CRYBG1: variants seen among roughly 807,000 people sequenced by gnomAD.
The protein encoded by CRYBG1 is crystallin beta-gamma domain containing 1.
CRYBG1 carries 139 observed loss-of-function variants against 189.2 expected under a neutral mutation model. That is an observed-to-expected ratio of 0.73 (90% CI 0.64 to 0.85). CRYBG1 has a LOEUF of 0.85. Ranked by LOEUF, CRYBG1 falls within the 40% of genes least tolerant of loss-of-function variation. The probability of loss-of-function intolerance (pLI) is 0.00; values close to 1 mark genes in which losing one functional copy is unlikely to be tolerated. For missense variants in CRYBG1, 2,611 were observed against 2,675.8 expected (o/e 0.98, Z 0.53); for synonymous variants, 1,023 against 1,017.1 (o/e 1.01, Z -0.11).
At chr6:106,508,471 C>T (rs933208462) in intron 2 of CRYBG1, among the ~76,000 whole-genome samples, 3 of 152,164 alleles carry the variant, frequency 2.0e-5, no homozygotes, top group Non-Finnish European at 4.4e-5. Context: ...TTCCCTGTTG[C>T]ACCACCACCA....
chr6:106,381,946 A>G (rs1234594863), intron 1 of CRYBG1, among the ~76,000 whole-genome samples: 1 of 152,316 alleles, frequency 6.6e-6, no homozygotes, highest in African/African-American at 2.4e-5. Flanking sequence ...AAACTGCTAG[A>G]CTATGGTGCA....
At chr6:106,539,283 A>C in intron 8 of CRYBG1, 120 bp from the exon 9 acceptor site, 1 of 1,163,830 alleles carries the variant, frequency 8.6e-7, no homozygotes, top group Non-Finnish European at 1.2e-6. Context: ...CCAACCATTC[A>C]TTATGTAGGT....
At chr6:106,430,606 C>T (rs970266315) in intron 1 of CRYBG1, among the ~76,000 whole-genome samples, 1 of 152,050 alleles carries the variant, frequency 6.6e-6, no homozygotes, top group Non-Finnish European at 1.5e-5. Context: ...ATGCCTGATG[C>T]GTCAGCTAGG....
intron 2 of CRYBG1, among the ~76,000 whole-genome samples, chr6:106,509,945 A>G (rs982186722): frequency 6.6e-6 from 1 of 152,026 alleles, no homozygotes; most frequent in Non-Finnish European, 1.5e-5. Flanking sequence ...CTGTCTCAAC[A>G]AATGCTTGTT....
At chr6:106,448,098 A>G (rs994585342) in intron 1 of CRYBG1, among the ~76,000 whole-genome samples, 1 of 152,184 alleles carries the variant, frequency 6.6e-6, no homozygotes, top group African/African-American at 2.4e-5. Context: ...GGGCTGGGCA[A>G]GAAGCTGCCC....
intron 1 of CRYBG1, among the ~76,000 whole-genome samples, chr6:106,427,100 C>A (rs902472062): frequency 1.3e-5 from 2 of 152,028 alleles, no homozygotes; most frequent in African/African-American, 4.8e-5. Flanking sequence ...GTGGAAGGGC[C>A]TCAGGGCTCA....
intron 16 of CRYBG1, 52 bp downstream of exon 16, chr6:106,553,619 T>C: frequency 8.1e-7 from 1 of 1,230,068 alleles, no homozygotes; most frequent in East Asian, 2.3e-5. Flanking sequence ...AAAACAGAAT[T>C]CACACATCAG....
At chr6:106,487,302 AAGAATTT>A (rs1772612663) in intron 2 of CRYBG1, among the ~76,000 whole-genome samples, 2 of 152,130 alleles carry the variant, frequency 1.3e-5, no homozygotes, top group African/African-American at 4.8e-5. Flanking sequence ...CTTTAAATTG[AAGAATTT>A]ACATGGTACC....
At chr6:106,378,086 G>T (rs1770206637) in intron 1 of CRYBG1, among the ~76,000 whole-genome samples, 1 of 152,072 alleles carries the variant, frequency 6.6e-6, no homozygotes, top group African/African-American at 2.4e-5. Flanking sequence ...GTGAGGAGTG[G>T]GAGGCCTAAG....
intron 2 of CRYBG1, among the ~76,000 whole-genome samples, chr6:106,498,801 G>A (rs146129949): frequency 2.6e-5 from 4 of 152,132 alleles, no homozygotes; most frequent in African/African-American, 9.6e-5. Context: ...TTGAACTCAG[G>A]AGGCAGAGGT....
intron 1 of CRYBG1, among the ~76,000 whole-genome samples, chr6:106,370,842 T>C (rs929580961): frequency 3.3e-5 from 5 of 152,180 alleles, no homozygotes; most frequent in Non-Finnish European, 7.4e-5. Context: ...CTGATGACTA[T>C]TCCCCTGGAA....
intron 11 of CRYBG1, 134 bp downstream of exon 11, chr6:106,543,731 C>T: frequency 4.9e-6 from 5 of 1,026,682 alleles, no homozygotes; most frequent in Middle Eastern, 2.3e-4. Context: ...TCCACATTCT[C>T]CTCAGCCTAT....
At chr6:106,471,671 A>C (rs969498251) in intron 2 of CRYBG1, among the ~76,000 whole-genome samples, 3 of 152,084 alleles carry the variant, frequency 2.0e-5, no homozygotes, top group African/African-American at 7.2e-5. Context: ...TGACAGGTGG[A>C]GTGTGGGTCA....
intron 13 of CRYBG1, among the ~76,000 whole-genome samples, chr6:106,546,381 A>T (rs894257837): frequency 6.6e-6 from 1 of 152,224 alleles, no homozygotes; most frequent in African/African-American, 2.4e-5. Flanking sequence ...GTTTGGTGTT[A>T]GGTTTTTGTT....
chr6:106,454,811 A>G (rs994518847), intron 2 of CRYBG1: 1 of 152,278 alleles, frequency 6.6e-6, no homozygotes, highest in African/African-American at 2.4e-5. Context: ...TGAATCTTTC[A>G]ATTAAATTAG....
intron 2 of CRYBG1, among the ~76,000 whole-genome samples, chr6:106,453,975 C>T (rs1192114127): frequency 6.6e-6 from 1 of 152,120 alleles, no homozygotes. Flanking sequence ...GTTCAGGCGA[C>T]CCTGTCTCTA....
At chr6:106,541,417 G>A (rs1562111506) in intron 9 of CRYBG1, 169 bp from the exon 10 acceptor site, 4 of 707,762 alleles carry the variant, frequency 5.7e-6, no homozygotes, top group South Asian at 1.6e-5. Context: ...TGCCTTCCTC[G>A]TGTCTTCATC....
chr6:106,372,815 G>A (rs76362682), intron 1 of CRYBG1, among the ~76,000 whole-genome samples: 8,491 of 152,236 alleles, frequency 0.056, 393 homozygotes, highest in East Asian at 0.16. Flanking sequence ...ATCTCATTCA[G>A]TCTTCATAGT....
intron 2 of CRYBG1, among the ~76,000 whole-genome samples, chr6:106,499,156 G>GTTTTTTTTTTT (rs1364849496): frequency 8.3e-6 from 1 of 121,076 alleles, no homozygotes; most frequent in Non-Finnish European, 1.7e-5. Context: ...TTGTTTGTTT[G>GTTTTTTTTTTT]TTTTTTGCTT....
Sources: gnomAD v4.1 joint callset for allele counts (sites outside exome capture counted in the v4.1 genomes callset) on GRCh38, gnomAD v4.1.1 for gene constraint, MANE v1.5 for transcripts, NCBI Gene and HGNC (gene_info 2026-07-23, HGNC 2026-07-21) for gene names.